VARS1: variants seen among roughly 807,000 people sequenced by gnomAD.
VARS1 encodes the protein valyl-tRNA synthetase 1, also known as valine--tRNA ligase.
A neutral mutation model predicts 161.0 loss-of-function variants in VARS1; 92 were observed. The observed-to-expected ratio is 0.57, with a 90% CI of 0.48 to 0.68. The LOEUF is 0.68. Among genes scored for constraint, VARS1 ranks in the 30% least tolerant of loss-of-function variants. The pLI is 0.00. For missense variants in VARS1, 1,338 were observed against 1,695.9 expected (o/e 0.79, Z 3.71); for synonymous variants, 595 against 682.5 (o/e 0.87, Z 2.00).
At position 31,794,944 on chromosome 6, in the gene VARS1, C is replaced by G. The variant is rs749829576; in HGVS notation, c.274G>C (p.Ala92Pro). 6.2e-7 allele frequency: 1 copy of G among 1,612,818 alleles called. No individual in the cohort carries two copies. Among genetic ancestry groups the G allele is most frequent in the Non-Finnish European group, 8.5e-7 (1 of 1,179,936 alleles). The part of the protein sequence containing the change: ...AGLGGPGGSR[A>P]AVLVQQWVSY... Reference sequence around the variant, plus strand: ...ACCCACTGTTGGACAAGGACAGCCGCCCGGCTGCCCCCTGGGCCCCCCAGG... The same window carrying G: ...ACCCACTGTTGGACAAGGACAGCCGGCCGGCTGCCCCCTGGGCCCCCCAGG... The change falls in exon 2 of 30, where the codon GCG (alanine) becomes CCG (proline). Residue 92 changes from alanine (A) to proline (P), a missense_variant. Ala to Pro is a conservative substitution (Grantham distance 27). This residue lies in a region of VARS1 where 902 missense variants were observed against 1,090.3 expected (regional missense o/e 0.83). Coordinates refer to ENST00000375663, the MANE Select transcript of VARS1 (RefSeq NM_006295.3).
In VARS1 at chr6:31,779,871, G is replaced by A. The variant is rs570932552; in HGVS notation, c.3082-57C>T. 1.9e-6 allele frequency: 3 copies of A among 1,606,302 alleles called. No individual in the cohort carries two copies. In the East Asian group the frequency reaches 6.7e-5, roughly 36 times the overall value. On this transcript the variant is annotated intron_variant, in intron 26 of 29. Transcript: ENST00000375663. The surrounding 1 kb of genome is among the most constrained non-coding windows in gnomAD (Gnocchi z 9.1). ...GGAGGTCTAGCCTTGAGCCCTCGCT[G>A]TGCCTGTGAGGACTGGGAAGGGGAT...
In VARS1 at chr6:31,795,112, C is replaced by T. The variant is rs751190443; in HGVS notation, c.106G>A (p.Ala36Thr). 17 of 1,486,694 alleles carry T rather than the reference C, an allele frequency of 1.1e-5. No homozygotes were observed. The highest frequency in any genetic ancestry group is 7.5e-5 in the Admixed American group (3 of 40,220). 92.1% of individuals were successfully genotyped at this position (1,486,694 alleles called of 1,614,324 possible). A position where few individuals can be genotyped will look rare whatever the true frequency, so the allele number is the denominator to read the frequency against. ...EAGEGPGWGG[A>T]HPRICLQPPP... ...GGCTGGAGACAGATGCGGGGGTGGG[C>T]TCCTCCCCATCCGGGACCCTCCCCA... Residue 36 changes from alanine to threonine, a missense_variant, in exon 2 of 30, where the codon GCC becomes ACC. By Grantham distance (58) the Ala-to-Thr change is moderately conservative. Around this residue, in one of 3 missense-constraint regions of VARS1, gnomAD observed 902 missense variants for 1,090.3 expected, o/e 0.83. Coordinates refer to ENST00000375663, the MANE Select transcript of VARS1 (RefSeq NM_006295.3). The surrounding 1 kb of genome is among the most constrained non-coding windows in gnomAD (Gnocchi z 6.9).
intron 8 of VARS1, among the ~76,000 whole-genome samples, chr6:31,786,918 A>C (rs1813545361): frequency 1.3e-5 from 2 of 152,046 alleles, no homozygotes; most frequent in Admixed American, 6.6e-5. Context: ...TCACAAAAAG[A>C]AACTTTAGAT....
At position 31,794,752 on chromosome 6, in the gene VARS1, C is replaced by T. The variant is rs559318461; in HGVS notation, c.387+79G>A. The T allele has an allele frequency of 3.9e-5, 57 of 1,475,344 alleles. No individual in the cohort carries two copies. In the African/African-American group the frequency reaches 7.9e-4, roughly 20 times the overall value. 91.4% of individuals were successfully genotyped at this position (1,475,344 alleles called of 1,614,324 possible). On this transcript the variant is annotated intron_variant, in intron 2 of 29. Transcript: ENST00000375663. The stretch of plus-strand genomic sequence containing the variant: ...TTTCCCACATCTGATGTACTACCTT[C>T]TTGTCTCATTGTCCATTCCAGTCCT...
In VARS1 at chr6:31,792,866, C is replaced by A. The variant is rs749468063; in HGVS notation, c.552G>T (p.Trp184Cys). ...TGACAAACCAGCGAGTCACATTATT[C>A]CAGATCCGGCGGGCAGGTGGGTCTA... ...YVLDPPARRI[W>C]NNVTRWFVTC... The change falls in exon 4 of 30, where the codon TGG becomes TGT. Residue 184 changes from tryptophan to cysteine, a missense_variant. Around this residue, in one of 3 missense-constraint regions of VARS1, gnomAD observed 902 missense variants for 1,090.3 expected, o/e 0.83. Transcript: ENST00000375663. 6.2e-7 allele frequency: 1 copy of A among 1,614,154 alleles called. No homozygotes were observed. The highest frequency in any genetic ancestry group is 1.1e-5 in the South Asian group (1 of 91,088).
At position 31,795,033 on chromosome 6, in the gene VARS1, T is replaced by C. The variant is rs758174948; in HGVS notation, c.185A>G (p.Gln62Arg). The change falls in exon 2 of 30, where the codon CAG (glutamine) becomes CGG (arginine). Residue 62 changes from glutamine to arginine, a missense_variant. Physicochemically the swap from Gln to Arg is conservative, Grantham distance 43. Coordinates refer to ENST00000375663, the MANE Select transcript of VARS1 (RefSeq NM_006295.3). This position sits in a 1 kb window ranked among gnomAD's most constrained non-coding sequence, Gnocchi z 6.9. ...FPPPRLPALE[Q>R]GPGGLWVWGA... ...CCACACCCAGAGCCCACCGGGCCCC[T>C]GCTCCAGGGCCGGCAGGCGGGGTGG... 1 of 1,568,118 alleles carries C rather than the reference T, an allele frequency of 6.4e-7. No homozygotes were observed. Among genetic ancestry groups the C allele is most frequent in the South Asian group, 1.1e-5 (1 of 88,918 alleles).
chr6:31,792,969 C>T lies in VARS1; in HGVS notation c.522+17G>A. On this transcript the variant is annotated intron_variant, in intron 3 of 29. Coordinates refer to ENST00000375663, the MANE Select transcript of VARS1 (RefSeq NM_006295.3). ...TGAGGAGAGCAGTCTTGTTCTTCCC[C>T]AGGCCTGGTGACTCACGTATCGGAA... 1 of 1,613,988 alleles carries T rather than the reference C, an allele frequency of 6.2e-7. No homozygotes were observed. Among genetic ancestry groups the T allele is most frequent in the South Asian group, 1.1e-5 (1 of 91,088 alleles).
At chr6:31,794,755 GT>G in intron 2 of VARS1, 75 bp downstream of exon 2, 5 of 1,473,814 alleles carry the variant, frequency 3.4e-6, no homozygotes, top group Non-Finnish European at 4.5e-6. Flanking sequence ...CTACCTTCTT[GT>G]CTCATTGTCC....
intron 2 of VARS1, among the ~76,000 whole-genome samples, chr6:31,793,783 T>A (rs1226335863): frequency 6.6e-6 from 1 of 151,288 alleles, no homozygotes; most frequent in Non-Finnish European, 1.5e-5. Context: ...TTTTCTTAAC[T>A]CCTATGAAGA....
Position 31,791,959 on chromosome 6 carries a change from G to A in VARS1, c.884C>T (p.Pro295Leu), listed in dbSNP as rs976108532. ...CCGAGGGCTGTAGGAGTCGGGCATG[G>A]GGCCACTGACATCTGGGGGAGAGGA... ...PPGEKKDVSG[P>L]MPDSYSPRYV... Residue 295 changes from proline (P) to leucine (L), a missense_variant, in exon 7 of 30, where the codon CCC (proline) becomes CTC (leucine). Physicochemically the swap from Pro to Leu is moderately conservative, Grantham distance 98. Transcript: ENST00000375663. The surrounding 1 kb of genome is among the most constrained non-coding windows in gnomAD (Gnocchi z 5.0). The A allele has an allele frequency of 5.0e-6, 8 of 1,593,216 alleles. No individual in the cohort carries two copies. The highest frequency in any genetic ancestry group is 6.0e-6 in the Non-Finnish European group (7 of 1,168,532).
Position 31,781,974 on chromosome 6 carries a change from C to T in VARS1, c.2242-22G>A. 2 of 1,613,124 alleles carry T rather than the reference C, an allele frequency of 1.2e-6. No homozygotes were observed. Among genetic ancestry groups the T allele is most frequent in the Non-Finnish European group, 8.5e-7 (1 of 1,179,992 alleles). ...GGTCCTGCCACAGGTGCAGTGATTACCCAAGGGGGTGTGTCTGCTTCTGGC... is the reference window on the plus strand; with the variant it reads ...GGTCCTGCCACAGGTGCAGTGATTATCCAAGGGGGTGTGTCTGCTTCTGGC... On this transcript the variant is annotated intron_variant, in intron 18 of 29. Coordinates refer to ENST00000375663, the MANE Select transcript of VARS1 (RefSeq NM_006295.3). This position sits in a 1 kb window ranked among gnomAD's most constrained non-coding sequence, Gnocchi z 6.8.
Position 31,779,257 on chromosome 6 carries a change from G to A in VARS1, c.3436C>T (p.Leu1146=), listed in dbSNP as rs772455401. Residue 1146 remains leucine (L), a synonymous_variant, in exon 29 of 30, where the codon CTG becomes TTG. Transcript: ENST00000375663. This position sits in a 1 kb window ranked among gnomAD's most constrained non-coding sequence, Gnocchi z 9.1. ...LEVADEATGA[L]ASAVSGYVQA... Reference sequence around the variant, plus strand: ...ACGTAGCCCGACACCGCCGATGCCAGGGCGCCCGTGGCCTCATCCGCCACT... The same window carrying A: ...ACGTAGCCCGACACCGCCGATGCCAAGGCGCCCGTGGCCTCATCCGCCACT... 59 of 1,604,184 alleles carry A rather than the reference G, an allele frequency of 3.7e-5. No individual in the cohort carries two copies. The highest frequency in any genetic ancestry group is 4.9e-5 in the Non-Finnish European group (58 of 1,179,570).
chr6:31,782,089 C>T lies in VARS1; in HGVS notation c.2239G>A (p.Glu747Lys), dbSNP rs762381375. Residue 747 changes from glutamate (E) to lysine (K), a missense_variant and splice_region_variant, in exon 18 of 30, where the codon GAG (glutamate) becomes AAG (lysine). Physicochemically the swap from Glu to Lys is moderately conservative, Grantham distance 56 (BLOSUM62 1). Around this residue, in one of 3 missense-constraint regions of VARS1, gnomAD observed 902 missense variants for 1,090.3 expected, o/e 0.83. Coordinates refer to ENST00000375663, the MANE Select transcript of VARS1 (RefSeq NM_006295.3). The surrounding 1 kb of genome is among the most constrained non-coding windows in gnomAD (Gnocchi z 8.3). Reference protein sequence around the residue: ...TVSDPAVPPGEDPDGRYWVSG... With the variant: ...TVSDPAVPPGKDPDGRYWVSG... ...GCTAGCTCTGGCCCTCTGCTCACCTCCCCAGGGGGCACCGCTGGGTCACTG... is the reference window on the plus strand; with the variant it reads ...GCTAGCTCTGGCCCTCTGCTCACCTTCCCAGGGGGCACCGCTGGGTCACTG... The T allele has an allele frequency of 6.2e-7, 1 of 1,613,542 alleles. No individual in the cohort carries two copies. The highest frequency in any genetic ancestry group is 1.1e-5 in the South Asian group (1 of 91,054).
At chr6:31,789,944 A>T (rs1275040185) in intron 8 of VARS1, among the ~76,000 whole-genome samples, 1 of 151,942 alleles carries the variant, frequency 6.6e-6, no homozygotes, top group African/African-American at 2.4e-5. Context: ...GAATGGCGTT[A>T]ACGTGGGAGG....
intron 8 of VARS1, among the ~76,000 whole-genome samples, chr6:31,786,999 G>A (rs1276626846): frequency 6.7e-6 from 1 of 149,928 alleles, no homozygotes; most frequent in Non-Finnish European, 1.5e-5. Flanking sequence ...GCCAAGGTGA[G>A]AGGACTGCTT....
chr6:31,791,484 T>C lies in VARS1; in HGVS notation c.1100+126A>G. 7.5e-7 allele frequency: 1 copy of C among 1,330,316 alleles called. No individual in the cohort carries two copies. The highest frequency in any genetic ancestry group is 1.5e-5 in the South Asian group (1 of 65,696). 82.4% of individuals were successfully genotyped at this position (1,330,316 alleles called of 1,614,324 possible). A position where few individuals can be genotyped will look rare whatever the true frequency, so the allele number is the denominator to read the frequency against. On this transcript the variant is annotated intron_variant, in intron 8 of 29. Coordinates refer to ENST00000375663, the MANE Select transcript of VARS1 (RefSeq NM_006295.3). This position sits in a 1 kb window ranked among gnomAD's most constrained non-coding sequence, Gnocchi z 5.0. The stretch of plus-strand genomic sequence containing the variant: ...ATCAGATTGGAATGACAGAGAGAAG[T>C]GTAGCACCACTGGGGGCAGAAGTGA...
chr6:31,781,436 G>C lies in VARS1; in HGVS notation c.2544+45C>G, dbSNP rs759496749. 6.2e-7 allele frequency: 1 copy of C among 1,603,068 alleles called. No individual in the cohort carries two copies. The highest frequency in any genetic ancestry group is 8.5e-7 in the Non-Finnish European group (1 of 1,176,908). ...TCTGCGCTGCAGCACAGGACGGTAG[G>C]AGAGGAGGCTGGGGGCGATGGGAGG... On this transcript the variant is annotated intron_variant, in intron 21 of 29. Transcript: ENST00000375663. The surrounding 1 kb of genome is among the most constrained non-coding windows in gnomAD (Gnocchi z 6.8).
rs1813090762 is a variant in VARS1 at position 31,780,798 on chromosome 6, CA to C, written c.2719-16del. 2 of 1,614,158 alleles carry C rather than the reference CA, an allele frequency of 1.2e-6. No individual in the cohort carries two copies. The highest frequency in any genetic ancestry group is 1.7e-6 in the Non-Finnish European group (2 of 1,180,006). On this transcript the variant is annotated splice_polypyrimidine_tract_variant and intron_variant, in intron 23 of 29. Coordinates refer to ENST00000375663, the MANE Select transcript of VARS1 (RefSeq NM_006295.3). This position sits in a 1 kb window ranked among gnomAD's most constrained non-coding sequence, Gnocchi z 5.1. ...AAGTCAGCTTTCTACAGGGAAGAGG[CA>C]GGGGGAGGAGCGTCCTCAGCCAGCC...
In VARS1 at chr6:31,795,083, G is replaced by A. The variant is rs764852749; in HGVS notation, c.135C>T (p.Pro45=). ...GAHPRICLQP[P]PTSRTPFPPP... ...GGGGAAAGGGAGTCCTGCTAGTCGG[G>A]GGTGGCTGGAGACAGATGCGGGGGT... Residue 45 remains proline (P), a synonymous_variant, in exon 2 of 30, where the codon CCC becomes CCT. Coordinates refer to ENST00000375663, the MANE Select transcript of VARS1 (RefSeq NM_006295.3). This position sits in a 1 kb window ranked among gnomAD's most constrained non-coding sequence, Gnocchi z 6.9. The A allele has an allele frequency of 1.1e-4, 171 of 1,506,388 alleles. No homozygotes were observed. The highest frequency in any genetic ancestry group is 1.5e-4 in the Non-Finnish European group (167 of 1,124,338). 93.3% of individuals were successfully genotyped at this position (1,506,388 alleles called of 1,614,324 possible).
Sources: allele counts gnomAD v4.1 joint callset (sites outside exome capture counted in the v4.1 genomes callset), GRCh38; gene constraint gnomAD v4.1.1; regional missense constraint gnomAD v4.1.1; non-coding constraint Gnocchi (gnomAD v3.1); transcripts MANE v1.5; gene names NCBI Gene and HGNC (gene_info 2026-07-23, HGNC 2026-07-21).